Variants in RORB observed in about 807,000 individuals in gnomAD.
RORB encodes the protein RAR related orphan receptor B.
In RORB, 6 loss-of-function variants were observed where a neutral mutation model predicts 59.1. The ratio of observed to expected loss-of-function variants is 0.10; its 90% CI spans 0.06 to 0.20. The LOEUF is 0.20. Ranked by LOEUF, RORB falls within the 10% of genes least tolerant of loss-of-function variation. The probability of loss-of-function intolerance (pLI) is 1.00; values close to 1 mark genes in which losing one functional copy is unlikely to be tolerated. For missense variants in RORB, 320 were observed against 560.5 expected (o/e 0.57, Z 4.33); for synonymous variants, 215 against 204.5 (o/e 1.05, Z -0.44).
At chr9:74,651,806 CTG>C (rs1451827950) in intron 4 of RORB, among the ~76,000 whole-genome samples, 1 of 152,176 alleles carries the variant, frequency 6.6e-6, no homozygotes, top group Non-Finnish European at 1.5e-5. Flanking sequence ...ATCTTTCTGA[CTG>C]TTCTGTGAAG....
chr9:74,549,564 G>A (rs1826564707), intron 1 of RORB, among the ~76,000 whole-genome samples: 2 of 49,164 alleles, frequency 4.1e-5, no homozygotes, highest in African/African-American at 2.3e-4. Context: ...AAGGAAGGAA[G>A]GAAGGAAGGA....
chr9:74,654,977 C>A (rs1824056429), intron 4 of RORB, among the ~76,000 whole-genome samples: 1 of 152,190 alleles, frequency 6.6e-6, no homozygotes, highest in African/African-American at 2.4e-5. Flanking sequence ...TATTAACCTG[C>A]AATACACACC....
chr9:74,570,546 AT>A (rs1822535908), intron 1 of RORB, among the ~76,000 whole-genome samples: 1 of 152,184 alleles, frequency 6.6e-6, no homozygotes, highest in African/African-American at 2.4e-5. Context: ...TGTTACTTTA[AT>A]TAATCTTGTG....
chr9:74,522,903 T>C (rs1306967404), intron 1 of RORB, among the ~76,000 whole-genome samples: 1 of 151,830 alleles, frequency 6.6e-6, no homozygotes, highest in Non-Finnish European at 1.5e-5. Context: ...GAGCACCTCT[T>C]TTCTTACTTC....
chr9:74,523,876 A>G (rs1261776683), intron 1 of RORB, among the ~76,000 whole-genome samples: 2 of 151,894 alleles, frequency 1.3e-5, no homozygotes. Context: ...GTTTGGGTTC[A>G]TAGTCAGTCT....
chr9:74,559,961 A>G (rs1468335334), intron 1 of RORB, among the ~76,000 whole-genome samples: 1 of 152,196 alleles, frequency 6.6e-6, no homozygotes, highest in Non-Finnish European at 1.5e-5. Context: ...CACATTGCAA[A>G]CCATTTGCAA....
chr9:74,634,411 G>A (rs765098839), intron 2 of RORB, among the ~76,000 whole-genome samples: 10 of 152,198 alleles, frequency 6.6e-5, no homozygotes, highest in Admixed American at 6.5e-5. Flanking sequence ...ATGAATGAAT[G>A]AATGAATGGG....
At chr9:74,527,404 A>G (rs1187751414) in intron 1 of RORB, among the ~76,000 whole-genome samples, 2 of 151,970 alleles carry the variant, frequency 1.3e-5, no homozygotes, top group Non-Finnish European at 2.9e-5. Flanking sequence ...CCCTAATGAA[A>G]CCTACATTCC....
chr9:74,620,390 C>T (rs897759508), intron 1 of RORB, among the ~76,000 whole-genome samples: 2 of 152,066 alleles, frequency 1.3e-5, no homozygotes, highest in African/African-American at 4.8e-5. Context: ...GTGGTGATAT[C>T]CATTTTATCA....
chr9:74,676,691 G>A (rs1824448224), intron 9 of RORB, among the ~76,000 whole-genome samples: 1 of 152,212 alleles, frequency 6.6e-6, no homozygotes, highest in South Asian at 2.1e-4. Context: ...TTACTTTGCT[G>A]AAGTTCACAA....
At chr9:74,593,855 C>T (rs1822935805) in intron 1 of RORB, among the ~76,000 whole-genome samples, 1 of 152,162 alleles carries the variant, frequency 6.6e-6, no homozygotes, top group Non-Finnish European at 1.5e-5. Flanking sequence ...TGTGTAAACA[C>T]CAACATTTCT....
chr9:74,552,829 A>T (rs1826633600), intron 1 of RORB, among the ~76,000 whole-genome samples: 1 of 152,100 alleles, frequency 6.6e-6, no homozygotes, highest in Admixed American at 6.6e-5. Flanking sequence ...TAATAATAAT[A>T]ATAAGTGCTA....
intron 1 of RORB, among the ~76,000 whole-genome samples, chr9:74,597,135 C>T (rs1253249845): frequency 6.6e-6 from 1 of 152,214 alleles, no homozygotes. Flanking sequence ...TTCAAGCTCC[C>T]AGGTGATGCA....
intron 1 of RORB, among the ~76,000 whole-genome samples, chr9:74,540,316 C>T (rs1051174304): frequency 1.3e-5 from 2 of 152,150 alleles, no homozygotes; most frequent in African/African-American, 4.8e-5. Context: ...CTTTTGCATC[C>T]TTCCACGTCA....
intron 9 of RORB, among the ~76,000 whole-genome samples, chr9:74,684,383 G>T (rs1039775276): frequency 6.6e-6 from 1 of 152,188 alleles, no homozygotes. Context: ...AATTTCAAGT[G>T]TGTCTTTAGT....
At chr9:74,675,864 T>C (rs1050139574) in intron 9 of RORB, among the ~76,000 whole-genome samples, 1 of 152,238 alleles carries the variant, frequency 6.6e-6, no homozygotes, top group Non-Finnish European at 1.5e-5. Context: ...CCCCACTCAG[T>C]TGAGAACAGC....
chr9:74,628,973 C>G (rs1377866993), intron 1 of RORB, among the ~76,000 whole-genome samples: 1 of 152,028 alleles, frequency 6.6e-6, no homozygotes, highest in African/African-American at 2.4e-5. Context: ...AATCCCATGC[C>G]CCACCATATT....
chr9:74,675,791 C>T (rs1277203391), intron 9 of RORB, among the ~76,000 whole-genome samples: 1 of 152,194 alleles, frequency 6.6e-6, no homozygotes, highest in Non-Finnish European at 1.5e-5. Flanking sequence ...CCATGACTCA[C>T]TTTAGGAGGT....
chr9:74,665,019 G>A (rs10869436), intron 6 of RORB, among the ~76,000 whole-genome samples: 56,140 of 152,074 alleles, frequency 0.37, 11,488 homozygotes, highest in East Asian at 0.65. Context: ...AGTGAATACA[G>A]TAATCATGGC....
Sources: allele counts gnomAD v4.1 joint callset (sites outside exome capture counted in the v4.1 genomes callset), GRCh38; gene constraint gnomAD v4.1.1; transcripts MANE v1.5; gene names NCBI Gene and HGNC (gene_info 2026-07-23, HGNC 2026-07-21).